The following MARCHF1 variants were observed in gnomAD, a reference collection of about 807,000 sequenced individuals.
MARCHF1 encodes membrane associated ring-CH-type finger 1, also known as E3 ubiquitin-protein ligase MARCHF1.
Under a neutral mutation model 54.2 loss-of-function variants are expected in MARCHF1, and 40 were observed. The observed-to-expected ratio is 0.74, with a 90% CI of 0.57 to 0.96. The LOEUF (loss-of-function observed/expected upper bound fraction) is 0.96. MARCHF1 is among the 40% of genes least tolerant of loss of function. The pLI, the probability that MARCHF1 is intolerant of heterozygous loss-of-function variation, is 0.00. For synonymous variants in MARCHF1, 236 were observed against 236.3 expected (o/e 1.00, Z 0.01); for missense variants, 586 against 656.5 (o/e 0.89, Z 1.17).
chr4:163,886,417 C>T (rs1322009538), intron 3 of MARCHF1, among the ~76,000 whole-genome samples: 1 of 151,462 alleles, frequency 6.6e-6, no homozygotes, highest in African/African-American at 2.4e-5. Flanking sequence ...GAATGTGTGG[C>T]AATTGCCTTA....
intron 1 of MARCHF1, among the ~76,000 whole-genome samples, chr4:164,298,918 T>C (rs1190414282): frequency 2.0e-5 from 3 of 152,118 alleles, no homozygotes; most frequent in African/African-American, 7.2e-5. Context: ...CTCTATAGGG[T>C]AGTATGATTA....
At chr4:163,889,359 C>T (rs1355027253) in intron 3 of MARCHF1, among the ~76,000 whole-genome samples, 1 of 152,128 alleles carries the variant, frequency 6.6e-6, no homozygotes, top group Non-Finnish European at 1.5e-5. Context: ...AAGTCATAGT[C>T]CTGGAGCCAG....
chr4:163,738,779 G>T (rs953942203), intron 4 of MARCHF1, among the ~76,000 whole-genome samples: 3 of 152,200 alleles, frequency 2.0e-5, no homozygotes, highest in Admixed American at 2.0e-4. Flanking sequence ...CAGCTGGATA[G>T]ATGGCAGAAA....
At chr4:164,132,211 C>T (rs542582826) in intron 1 of MARCHF1, among the ~76,000 whole-genome samples, 17 of 152,094 alleles carry the variant, frequency 1.1e-4, no homozygotes, top group African/African-American at 1.7e-4. Context: ...CTTCGTTTCA[C>T]GAGGATCTTA....
At chr4:163,639,525 A>T (rs60756506) in intron 5 of MARCHF1, among the ~76,000 whole-genome samples, 60,126 of 152,064 alleles carry the variant, frequency 0.4, 12,612 homozygotes, top group East Asian at 0.59. Context: ...AATAAAATTC[A>T]GTGTAACAGA....
intron 2 of MARCHF1, among the ~76,000 whole-genome samples, chr4:164,058,213 A>G (rs1185249237): frequency 1.3e-5 from 2 of 152,170 alleles, no homozygotes; most frequent in South Asian, 2.1e-4. Context: ...TGGCACTTGT[A>G]TACCTATGGA....
chr4:164,364,534 T>C (rs1025150577), intron 1 of MARCHF1, among the ~76,000 whole-genome samples: 2 of 152,094 alleles, frequency 1.3e-5, no homozygotes, highest in Admixed American at 6.6e-5. Flanking sequence ...ACGTTGAACA[T>C]ACATTTTACA....
chr4:163,571,393 G>A (rs1579073001), intron 8 of MARCHF1, among the ~76,000 whole-genome samples: 1 of 152,074 alleles, frequency 6.6e-6, no homozygotes, highest in African/African-American at 2.4e-5. Context: ...CTGGCCACAC[G>A]GCAGGTGCTC....
At chr4:164,190,997 G>A (rs1445219267) in intron 1 of MARCHF1, among the ~76,000 whole-genome samples, 1 of 152,130 alleles carries the variant, frequency 6.6e-6, no homozygotes, top group Non-Finnish European at 1.5e-5. Flanking sequence ...AAACACTCGG[G>A]AAATTATCTT....
chr4:163,775,067 G>C (rs1332468429), intron 4 of MARCHF1, among the ~76,000 whole-genome samples: 1 of 152,052 alleles, frequency 6.6e-6, no homozygotes, highest in African/African-American at 2.4e-5. Flanking sequence ...TCAAGGTAAG[G>C]CTTCAGCTAA....
At chr4:164,002,836 T>C (rs1016897238) in intron 2 of MARCHF1, among the ~76,000 whole-genome samples, 2 of 151,782 alleles carry the variant, frequency 1.3e-5, no homozygotes, top group African/African-American at 4.8e-5. Flanking sequence ...GCCTGTTTCA[T>C]AGAAGAGAAG....
intron 1 of MARCHF1, among the ~76,000 whole-genome samples, chr4:164,252,236 T>C (rs780112945): frequency 1.3e-5 from 2 of 152,168 alleles, no homozygotes; most frequent in Non-Finnish European, 2.9e-5. Flanking sequence ...ATGAGGCATA[T>C]GCTCAAATCT....
In MARCHF1 at chr4:163,733,203, A is replaced by ACACACG. The variant is rs1467744167; in HGVS notation, c.112-32341_112-32340insCGTGTG. Among the ~76,000 whole-genome samples, 33 of 37,874 alleles carry ACACACG rather than the reference A, an allele frequency of 8.7e-4. 2 individuals are homozygous for ACACACG. The highest frequency in any genetic ancestry group is 1.9e-3 in the African/African-American group (27 of 14,156). 24.8% of individuals were successfully genotyped at this position (37,874 alleles called of 152,430 possible). A position where few individuals can be genotyped will look rare whatever the true frequency, so the allele number is the denominator to read the frequency against. On this transcript the variant is annotated intron_variant, in intron 4 of 9. Coordinates refer to ENST00000514618, the MANE Select transcript of MARCHF1 (RefSeq NM_001394959.1). ...TATATATATATATATATATATATAT[A>ACACACG]TATATATATATATATATACACGTGT...
At chr4:163,957,232 T>C (rs977417284) in intron 3 of MARCHF1, among the ~76,000 whole-genome samples, 2 of 152,070 alleles carry the variant, frequency 1.3e-5, no homozygotes, top group Non-Finnish European at 2.9e-5. Context: ...AATTTTACCA[T>C]CATTAATATA....
chr4:164,330,054 T>C (rs530466806), intron 1 of MARCHF1: 2 of 152,350 alleles, frequency 1.3e-5, no homozygotes, highest in South Asian at 4.1e-4. Context: ...TGTTCCAGTA[T>C]GTCCCTTTGG....
intron 3 of MARCHF1, among the ~76,000 whole-genome samples, chr4:163,900,711 T>C (rs1233312305): frequency 6.6e-6 from 1 of 152,152 alleles, no homozygotes; most frequent in East Asian, 1.9e-4. Flanking sequence ...TTTTAGATAT[T>C]TTGTCTTTAA....
intron 2 of MARCHF1, among the ~76,000 whole-genome samples, chr4:164,058,853 G>T (rs1754551388): frequency 6.6e-6 from 1 of 152,186 alleles, no homozygotes; most frequent in South Asian, 2.1e-4. Context: ...AGAAACCAAT[G>T]AGTCACAATG....
chr4:163,978,140 A>C (rs894874874), intron 3 of MARCHF1, among the ~76,000 whole-genome samples: 2 of 152,212 alleles, frequency 1.3e-5, no homozygotes, highest in Admixed American at 6.5e-5. Flanking sequence ...GTTAGATTTC[A>C]CTTATCTAAG....
At chr4:163,699,871 C>T (rs1007824954) in intron 5 of MARCHF1, among the ~76,000 whole-genome samples, 10 of 151,794 alleles carry the variant, frequency 6.6e-5, no homozygotes, top group Non-Finnish European at 1.2e-4. Context: ...TTTTTTCAGG[C>T]AACATAAAAT....
Sources: gnomAD v4.1 joint callset for allele counts (sites outside exome capture counted in the v4.1 genomes callset) on GRCh38, gnomAD v4.1.1 for gene constraint, MANE v1.5 for transcripts, NCBI Gene and HGNC (gene_info 2026-07-23, HGNC 2026-07-21) for gene names.